Variants in CLCA1 observed in about 807,000 individuals in gnomAD.
The protein encoded by CLCA1 is calcium-activated chloride channel regulator 1.
CLCA1 carries 59 observed loss-of-function variants against 85.6 expected under a neutral mutation model. That is an observed-to-expected ratio of 0.69 (90% confidence interval 0.56 to 0.86). The LOEUF (loss-of-function observed/expected upper bound fraction) is 0.86. Ranked by LOEUF, CLCA1 falls within the 40% of genes least tolerant of loss-of-function variation. CLCA1 has a pLI of 0.00. For synonymous variants in CLCA1, 396 were observed against 398.3 expected, an observed-to-expected ratio of 0.99 and a Z score of 0.07; for missense variants, 1,022 against 1,101.4, an observed-to-expected ratio of 0.93 and a Z score of 1.02.
chr1:86,488,569 TG>T (rs1648047658), intron 7 of CLCA1, among the ~76,000 whole-genome samples: 1 of 152,200 alleles, frequency 6.6e-6, no homozygotes, highest in South Asian at 2.1e-4. Context: ...ATTGTCAGAC[TG>T]GTGAATATCA....
In CLCA1 at chr1:86,495,439, A is replaced by C. The variant is rs1648250433; in HGVS notation, c.1943-66A>C. 12 of 1,304,100 alleles carry C rather than the reference A, an allele frequency of 9.2e-6. No homozygotes were observed. The South Asian group carries it at 1.6e-4, about 18-fold the overall frequency. The allele number at this position is 1,304,100 out of a possible 1,614,324, so 80.8% of individuals were successfully genotyped here. On this transcript the variant is annotated intron_variant, in intron 11 of 13. Transcript: ENST00000394711. ...TGCTTTGAAAATTCATAGCCTACAT[A>C]TGAGTTGGAAATATACAAATACCCT... is the stretch of plus-strand genomic sequence containing the variant.
chr1:86,498,964 AAAG>A (rs1277146508), intron 13 of CLCA1, among the ~76,000 whole-genome samples, 153 bp downstream of exon 13: 1 of 152,252 alleles, frequency 6.6e-6, no homozygotes, highest in African/African-American at 2.4e-5. Flanking sequence ...AAATGTATTT[AAAG>A]AAGAGAGATT....
chr1:86,489,126 G>T lies in CLCA1; in HGVS notation c.1313G>T (p.Gly438Val), dbSNP rs1252931757. Residue 438 changes from glycine to valine, a missense_variant, in exon 8 of 14, where the codon GGG becomes GTG. By Grantham distance (109) the Gly-to-Val change is moderately radical (BLOSUM62 -3). Transcript: ENST00000394711. ...SGAIIHTVAL[G>V]PSAAQELEEL... Reference sequence around the variant, plus strand: ...GCCATCATCCACACAGTCGCTTTGGGGCCCTCTGCAGCTCAAGAACTAGAG... The same window carrying T: ...GCCATCATCCACACAGTCGCTTTGGTGCCCTCTGCAGCTCAAGAACTAGAG... 11 of 1,613,970 alleles carry T rather than the reference G, an allele frequency of 6.8e-6. No homozygotes were observed. Among genetic ancestry groups the T allele is most frequent in the Non-Finnish European group, 9.3e-6 (11 of 1,180,002 alleles).
intron 12 of CLCA1, among the ~76,000 whole-genome samples, chr1:86,498,155 A>AAAGGAATG (rs1648347768): frequency 7.9e-6 from 1 of 125,952 alleles, no homozygotes. Flanking sequence ...AAAAACAAAG[A>AAAGGAATG]AAGGAAGGAA....
chr1:86,487,875 A>G (rs1390494072), intron 7 of CLCA1, among the ~76,000 whole-genome samples: 1 of 152,192 alleles, frequency 6.6e-6, no homozygotes, highest in African/African-American at 2.4e-5. Context: ...CCTGTTTTCC[A>G]TGACACACAG....
rs774971868 is a variant in CLCA1, at chr1:86,499,955, T to C, written c.2655T>C (p.Pro885=). 8 of 1,612,846 alleles carry C rather than the reference T, an allele frequency of 5.0e-6. No homozygotes were observed. The South Asian group carries it at 8.8e-5, about 18-fold the overall frequency. Residue 885 remains proline (P), a synonymous_variant, in exon 14 of 14, where the codon CCT becomes CCC. Coordinates refer to ENST00000394711, the MANE Select transcript of CLCA1 (RefSeq NM_001285.4). ...CTGATGAAACGTCTGCTCCTTGTCC[T>C]AATATTCATATCAACAGCACCATTC... ...PSPDETSAPC[P]NIHINSTIPG... is the part of the protein sequence containing the mutation.
At position 86,498,555 on chromosome 1, in the gene CLCA1, G is replaced by A. The variant is rs1162224260; in HGVS notation, c.2114-17G>A. 1.2e-6 allele frequency: 2 copies of A among 1,608,034 alleles called. No homozygotes were observed. Among genetic ancestry groups the A allele is most frequent in the Non-Finnish European group, 1.7e-6 (2 of 1,174,988 alleles). On this transcript the variant is annotated splice_polypyrimidine_tract_variant and intron_variant, in intron 12 of 13. Transcript: ENST00000394711. ...AGTGATGTTGCTTACCATATTTTGA[G>A]TATTTTTTTAATGCAGATGAAATAC... is the stretch of plus-strand genomic sequence containing the variant.
chr1:86,484,690 A>G (rs551301918), intron 5 of CLCA1, among the ~76,000 whole-genome samples: 16 of 152,274 alleles, frequency 1.1e-4, no homozygotes, highest in Non-Finnish European at 2.1e-4. Flanking sequence ...TTGGAGATGG[A>G]GAAAAGATGA....
At chr1:86,496,376 A>G (rs748094250) in intron 12 of CLCA1, among the ~76,000 whole-genome samples, 3 of 152,190 alleles carry the variant, frequency 2.0e-5, no homozygotes, top group Non-Finnish European at 4.4e-5. Context: ...CAGGGAGCAT[A>G]GTAGATGAAT....
intron 8 of CLCA1, 117 bp downstream of exon 8, chr1:86,489,287 T>A: frequency 1.1e-6 from 1 of 943,600 alleles, no homozygotes; most frequent in Non-Finnish European, 1.6e-6. Flanking sequence ...CCTAATTGGC[T>A]AACTAGCCAC....
chr1:86,494,660 A>C (rs1436022935), intron 11 of CLCA1, among the ~76,000 whole-genome samples: 1 of 152,182 alleles, frequency 6.6e-6, no homozygotes, highest in Non-Finnish European at 1.5e-5. Context: ...ACACATTAAC[A>C]GCTCAAGCTC....
Position 86,473,423 on chromosome 1 carries a change from G to A in CLCA1, c.169G>A (p.Val57Met). The A allele has an allele frequency of 6.4e-7, 1 of 1,567,196 alleles. No individual in the cohort carries two copies. The highest frequency in any genetic ancestry group is 8.7e-7 in the Non-Finnish European group (1 of 1,149,598). ...ETLIQQIKDM[V>M]TQASLYLLEA... ...GTTTTCTTTTTCTTCCCAGGACATG[G>A]TGACCCAGGCATCTCTGTATCTGCT... Residue 57 changes from valine to methionine, a missense_variant, in exon 2 of 14, where the codon GTG becomes ATG. Coordinates refer to ENST00000394711, the MANE Select transcript of CLCA1 (RefSeq NM_001285.4).
At chr1:86,473,225 C>T (rs2753378) in intron 1 of CLCA1, among the ~76,000 whole-genome samples, 192 bp from the exon 2 acceptor site, 98,868 of 152,016 alleles carry the variant, frequency 0.65, 32,437 homozygotes, top group East Asian at 0.85. Flanking sequence ...ACTGATTACT[C>T]GGTGACACAG....
At chr1:86,482,496 A>G in intron 5 of CLCA1, 114 bp downstream of exon 5, 2 of 999,696 alleles carry the variant, frequency 2.0e-6, no homozygotes, top group Non-Finnish European at 3.0e-6. Context: ...TGAGCAGTGG[A>G]TTATCTCTGG....
intron 8 of CLCA1, among the ~76,000 whole-genome samples, chr1:86,490,352 G>A (rs1648101226): frequency 6.6e-6 from 1 of 152,202 alleles, no homozygotes; most frequent in South Asian, 2.1e-4. Flanking sequence ...AGTTCAGATG[G>A]AATTATAATA....
At chr1:86,469,966 G>A (rs1647456318) in intron 1 of CLCA1, among the ~76,000 whole-genome samples, 1 of 152,034 alleles carries the variant, frequency 6.6e-6, no homozygotes, top group African/African-American at 2.4e-5. Flanking sequence ...GTAAGAATAC[G>A]GTGCAATACT....
At position 86,493,302 on chromosome 1, in the gene CLCA1, C is replaced by A. The variant is rs1282627993; in HGVS notation, c.1465-82C>A. ...TCACTGAAGTCTTTTTAATGGCGCA[C>A]TGGGGAGACAGGGGCAGAAGGGAAA... On this transcript the variant is annotated intron_variant, in intron 9 of 13. Transcript: ENST00000394711. 5 of 1,084,038 alleles carry A rather than the reference C, an allele frequency of 4.6e-6. No individual in the cohort carries two copies. In the East Asian group the frequency reaches 9.7e-5, roughly 21 times the overall value. The allele number at this position is 1,084,038 out of a possible 1,614,324, so 67.2% of individuals were successfully genotyped here. A position where few individuals can be genotyped will look rare whatever the true frequency, so the allele number is the denominator to read the frequency against.
In CLCA1 at chr1:86,495,566, T is replaced by C. The variant is rs551142826; in HGVS notation, c.2004T>C (p.Asn668=). The C allele has an allele frequency of 2.5e-6, 4 of 1,614,074 alleles. No individual in the cohort carries two copies. Among genetic ancestry groups the C allele is most frequent in the East Asian group, 2.2e-5 (1 of 44,888 alleles). Residue 668 remains asparagine, a synonymous_variant, in exon 12 of 14, where the codon AAT becomes AAC. Coordinates refer to ENST00000394711, the MANE Select transcript of CLCA1 (RefSeq NM_001285.4). ...YSRYFTTYDT[N]GRYSVKVRAL... ...GGTATTTCACAACTTATGACACGAA[T>C]GGTAGATACAGTGTAAAAGTGCGGG...
intron 13 of CLCA1, among the ~76,000 whole-genome samples, chr1:86,499,155 T>A (rs371793235): frequency 8.5e-5 from 13 of 152,148 alleles, no homozygotes; most frequent in East Asian, 5.8e-4. Context: ...GCAGAGCTCT[T>A]TTGGAAGGAA....
Sources: gnomAD v4.1 joint callset for allele counts (sites outside exome capture counted in the v4.1 genomes callset) on GRCh38, gnomAD v4.1.1 for gene constraint, MANE v1.5 for transcripts, NCBI Gene and HGNC (gene_info 2026-07-23, HGNC 2026-07-21) for gene names.